The following CNTNAP2 variants were observed in gnomAD, a reference collection of about 807,000 sequenced individuals.
CNTNAP2 encodes the protein contactin associated protein 2.
In CNTNAP2, 98 loss-of-function variants were observed where a neutral mutation model predicts 155.2. The ratio of observed to expected loss-of-function variants is 0.63; its 90% CI spans 0.54 to 0.75. The LOEUF is 0.75. Among genes scored for constraint, CNTNAP2 ranks in the 30% least tolerant of loss-of-function variants. The probability of loss-of-function intolerance (pLI) is 0.00; values close to 1 mark genes in which losing one functional copy is unlikely to be tolerated. For missense variants in CNTNAP2, 1,727 were observed against 1,688.1 expected (o/e 1.02, Z -0.40); for synonymous variants, 651 against 631.2 (o/e 1.03, Z -0.47).
At chr7:148,136,045 G>T (rs1563211183) in intron 16 of CNTNAP2, among the ~76,000 whole-genome samples, 1 of 80,396 alleles carries the variant, frequency 1.2e-5, no homozygotes, top group Non-Finnish European at 2.4e-5. Flanking sequence ...GGGAGGGAGG[G>T]AGGGGAAGGG....
At chr7:146,324,667 A>G (rs1192620953) in intron 1 of CNTNAP2, among the ~76,000 whole-genome samples, 1 of 152,044 alleles carries the variant, frequency 6.6e-6, no homozygotes, top group Non-Finnish European at 1.5e-5. Flanking sequence ...TAATAAATAT[A>G]TATTCCCCTC....
chr7:146,554,537 T>C (rs867047000), intron 1 of CNTNAP2, among the ~76,000 whole-genome samples: 23 of 152,342 alleles, frequency 1.5e-4, no homozygotes, highest in Middle Eastern at 3.4e-3. Context: ...CATATTTTTT[T>C]CTGAAATCTC....
At chr7:146,212,457 C>T (rs555522549) in intron 1 of CNTNAP2, among the ~76,000 whole-genome samples, 1 of 152,226 alleles carries the variant, frequency 6.6e-6, no homozygotes. Flanking sequence ...TGTACCCTAC[C>T]TTTAATCATC....
intron 1 of CNTNAP2, among the ~76,000 whole-genome samples, chr7:146,264,296 C>G (rs1799961579): frequency 6.6e-6 from 1 of 151,540 alleles, no homozygotes. Context: ...AATACAAAAA[C>G]TAAAAATTAG....
intron 3 of CNTNAP2, among the ~76,000 whole-genome samples, chr7:146,981,950 A>C (rs1425901413): frequency 6.6e-6 from 1 of 152,210 alleles, no homozygotes; most frequent in African/African-American, 2.4e-5. Context: ...TACAGCATGA[A>C]AGCAGACATC....
rs115507925 is a variant in CNTNAP2 at position 147,782,550 on chromosome 7, A to C, written c.2099-121015A>C. Among the ~76,000 whole-genome samples the C allele has an allele frequency of 4.4e-3, 667 of 152,310 alleles. 5 individuals are homozygous for C. The highest frequency in any genetic ancestry group is 0.015 in the African/African-American group (642 of 41,566). On this transcript the variant is annotated intron_variant, in intron 13 of 23. Transcript: ENST00000361727. Reference sequence around the variant, plus strand: ...TAGTTCCTTCTTGCAGCATCCTCACATAGCGGAAGTGGTAAAGAAGCTCTC... The same window carrying C: ...TAGTTCCTTCTTGCAGCATCCTCACCTAGCGGAAGTGGTAAAGAAGCTCTC...
chr7:146,359,392 C>T (rs549912272), intron 1 of CNTNAP2, among the ~76,000 whole-genome samples: 4 of 152,296 alleles, frequency 2.6e-5, no homozygotes, highest in African/African-American at 7.2e-5. Context: ...TTGGCTTCCA[C>T]GATCTCTAAA....
At chr7:146,542,089 G>T (rs947969372) in intron 1 of CNTNAP2, among the ~76,000 whole-genome samples, 3 of 151,888 alleles carry the variant, frequency 2.0e-5, no homozygotes, top group Non-Finnish European at 4.4e-5. Context: ...GCAAGCCAGG[G>T]AAAGTCAGGC....
At chr7:146,347,408 T>C (rs1794835945) in intron 1 of CNTNAP2, among the ~76,000 whole-genome samples, 1 of 152,120 alleles carries the variant, frequency 6.6e-6, no homozygotes, top group Admixed American at 6.5e-5. Context: ...GTTACTGAAA[T>C]TGAAGGGCCC....
Position 147,485,945 on chromosome 7 carries a change from A to C in CNTNAP2, c.1681A>C (p.Asn561His), listed in dbSNP as rs764902194. 5 of 1,614,078 alleles carry C rather than the reference A, an allele frequency of 3.1e-6. No individual in the cohort carries two copies. Among genetic ancestry groups the C allele is most frequent in the Non-Finnish European group, 4.2e-6 (5 of 1,179,958 alleles). Reference sequence around the variant, plus strand: ...CTCTCTCTCTGACAGATGTGTGCCCAATCACTGTGAGCATGGTGGAAAGTG... The same window carrying C: ...CTCTCTCTCTGACAGATGTGTGCCCCATCACTGTGAGCATGGTGGAAAGTG... ...MCAIIDRCVP[N>H]HCEHGGKCSQ... The change falls in exon 11 of 24, where the codon AAT (asparagine) becomes CAT (histidine). Residue 561 changes from asparagine (N) to histidine (H), a missense_variant. Asn to His is a moderately conservative substitution (Grantham distance 68). Transcript: ENST00000361727.
intron 8 of CNTNAP2, 55 bp downstream of exon 8, chr7:147,132,564 T>A: frequency 6.2e-7 from 1 of 1,608,182 alleles, no homozygotes; most frequent in Non-Finnish European, 8.5e-7. Context: ...TTTCCAGAGT[T>A]AATGTTGTGC....
At chr7:147,622,332 C>T (rs1263648430) in intron 12 of CNTNAP2, among the ~76,000 whole-genome samples, 1 of 151,986 alleles carries the variant, frequency 6.6e-6, no homozygotes, top group South Asian at 2.1e-4. Flanking sequence ...CTACAGATCA[C>T]ACATTCTTTC....
intron 1 of CNTNAP2, among the ~76,000 whole-genome samples, chr7:146,222,817 A>G (rs2430328): frequency 0.74 from 111,628 of 151,600 alleles, 41,315 homozygotes; most frequent in East Asian, 0.94. Flanking sequence ...CACCACGCCC[A>G]GCTAATTTTT....
intron 1 of CNTNAP2, among the ~76,000 whole-genome samples, chr7:146,657,938 C>G (rs1335005311): frequency 1.3e-5 from 2 of 151,160 alleles, no homozygotes; most frequent in Non-Finnish European, 3.0e-5. Flanking sequence ...CCAATAATGC[C>G]AAATCCTAAA....
At chr7:147,775,311 A>ATATATATATT (rs1563084527) in intron 13 of CNTNAP2, among the ~76,000 whole-genome samples, 1 of 31,752 alleles carries the variant, frequency 3.1e-5, no homozygotes, top group African/African-American at 3.9e-4. Context: ...ATATTTATAA[A>ATATATATATT]TATATATATA....
At chr7:147,393,354 T>C (rs531776337) in intron 9 of CNTNAP2, among the ~76,000 whole-genome samples, 1 of 152,160 alleles carries the variant, frequency 6.6e-6, no homozygotes, top group East Asian at 1.9e-4. Context: ...ACCTTAATTA[T>C]ACCCAATTTG....
At chr7:147,840,223 T>G (rs752857629) in intron 13 of CNTNAP2, among the ~76,000 whole-genome samples, 1 of 152,136 alleles carries the variant, frequency 6.6e-6, no homozygotes, top group Non-Finnish European at 1.5e-5. Context: ...TGTACACTAT[T>G]TGGGTGATAG....
At chr7:147,877,482 C>T (rs7806519) in intron 13 of CNTNAP2, among the ~76,000 whole-genome samples, 86,351 of 151,962 alleles carry the variant, frequency 0.57, 25,126 homozygotes, top group African/African-American at 0.69. Flanking sequence ...TATTTGAAAC[C>T]GAAGTAAATA....
At chr7:147,467,679 G>A (rs1370003693) in intron 10 of CNTNAP2, among the ~76,000 whole-genome samples, 1 of 152,192 alleles carries the variant, frequency 6.6e-6, no homozygotes, top group Non-Finnish European at 1.5e-5. Context: ...ATAAGTAAAT[G>A]ACTGACACGA....
Sources: gnomAD v4.1 joint callset for allele counts (sites outside exome capture counted in the v4.1 genomes callset) on GRCh38, gnomAD v4.1.1 for gene constraint, MANE v1.5 for transcripts, NCBI Gene and HGNC (gene_info 2026-07-23, HGNC 2026-07-21) for gene names.